Variants in CTNNA3 observed in about 807,000 individuals in gnomAD.
CTNNA3 encodes catenin alpha-3.
A neutral mutation model predicts 95.7 loss-of-function variants in CTNNA3; 76 were observed. The observed-to-expected ratio is 0.79, with a 90% CI of 0.66 to 0.96. The LOEUF (loss-of-function observed/expected upper bound fraction) is 0.96. CTNNA3 is among the 40% of genes least tolerant of loss of function. The probability of loss-of-function intolerance (pLI) is 0.00; values close to 1 mark genes in which losing one functional copy is unlikely to be tolerated. For missense variants in CTNNA3, 1,191 were observed against 1,089.8 expected, an observed-to-expected ratio of 1.09 and a Z score of -1.31; for synonymous variants, 431 against 374.4, an observed-to-expected ratio of 1.15 and a Z score of -1.74.
chr10:67,552,828 C>T (rs553850064), intron 3 of CTNNA3, among the ~76,000 whole-genome samples: 1 of 152,174 alleles, frequency 6.6e-6, no homozygotes, highest in African/African-American at 2.4e-5. Context: ...CATTCATGTC[C>T]CTGCAAAGGA....
At chr10:66,167,953 A>T (rs1011533183) in intron 13 of CTNNA3, among the ~76,000 whole-genome samples, 1 of 152,162 alleles carries the variant, frequency 6.6e-6, no homozygotes, top group African/African-American at 2.4e-5. Flanking sequence ...GGAAATGTAG[A>T]CATAGCCTCA....
At chr10:67,097,791 G>T in intron 7 of CTNNA3, 1 of 1,612,046 alleles carries the variant, frequency 6.2e-7, no homozygotes, top group Non-Finnish European at 8.5e-7. Context: ...ACAGCAGCTA[G>T]CTTAACTGAG....
chr10:66,037,380 A>C (rs1442303893), intron 15 of CTNNA3, among the ~76,000 whole-genome samples: 1 of 152,184 alleles, frequency 6.6e-6, no homozygotes, highest in African/African-American at 2.4e-5. Context: ...TTAAGCTGCC[A>C]AATATAATTT....
At chr10:66,961,104 A>G (rs1849086832) in intron 7 of CTNNA3, among the ~76,000 whole-genome samples, 1 of 152,210 alleles carries the variant, frequency 6.6e-6, no homozygotes, top group Non-Finnish European at 1.5e-5. Flanking sequence ...GTTCAATAGC[A>G]AGGTCTTCTA....
chr10:67,728,186 G>A (rs1841254865), intron 1 of CTNNA3, among the ~76,000 whole-genome samples: 1 of 147,802 alleles, frequency 6.8e-6, no homozygotes, highest in African/African-American at 2.5e-5. Context: ...GGGCCCAGTG[G>A]CTCACACCTG....
intron 11 of CTNNA3, among the ~76,000 whole-genome samples, chr10:66,413,236 A>G (rs543534948): frequency 1.3e-5 from 2 of 152,302 alleles, no homozygotes; most frequent in South Asian, 2.1e-4. Context: ...TCCATGGGTC[A>G]GCACTATTGG....
rs756883128 is a variant in CTNNA3 at position 66,076,516 on chromosome 10, G to A, written c.1978-7027C>T. On this transcript the variant is annotated intron_variant, in intron 14 of 17. Coordinates refer to ENST00000433211, the MANE Select transcript of CTNNA3 (RefSeq NM_013266.4). ...ATACATTTCTACATTTTTATGTATA[G>A]ACCTCTAAATCAGACTTAAAATATA... Among the ~76,000 whole-genome samples, 4 of 151,516 alleles carry A rather than the reference G, an allele frequency of 2.6e-5. No homozygotes were observed. The South Asian group carries it at 8.3e-4, about 31-fold the overall frequency.
At chr10:66,282,172 T>A (rs2091504502) in intron 12 of CTNNA3, among the ~76,000 whole-genome samples, 1 of 151,612 alleles carries the variant, frequency 6.6e-6, no homozygotes. Flanking sequence ...CAAATCACAG[T>A]CTCCCTTTCA....
chr10:66,726,976 G>A (rs988951052), intron 9 of CTNNA3, among the ~76,000 whole-genome samples: 10 of 152,034 alleles, frequency 6.6e-5, no homozygotes, highest in African/African-American at 2.4e-4. Flanking sequence ...CAATAAGGCT[G>A]ATACAAGGAT....
intron 5 of CTNNA3, among the ~76,000 whole-genome samples, chr10:67,282,289 G>T (rs1455610026): frequency 2.6e-5 from 4 of 152,038 alleles, no homozygotes; most frequent in Non-Finnish European, 5.9e-5. Flanking sequence ...ATGTTCCTAA[G>T]CCTAGCTGTG....
chr10:66,650,334 T>C (rs1157331258), intron 9 of CTNNA3, among the ~76,000 whole-genome samples: 1 of 152,184 alleles, frequency 6.6e-6, no homozygotes, highest in African/African-American at 2.4e-5. Flanking sequence ...CTGATCATAA[T>C]GGTAAGAAAT....
At chr10:67,221,216 A>G (rs1194256379) in intron 5 of CTNNA3, among the ~76,000 whole-genome samples, 1 of 152,216 alleles carries the variant, frequency 6.6e-6, no homozygotes, top group Non-Finnish European at 1.5e-5. Context: ...AGCATTAACA[A>G]TGGAGAAAAC....
intron 5 of CTNNA3, among the ~76,000 whole-genome samples, chr10:67,361,110 G>C (rs1842978148): frequency 6.6e-6 from 1 of 151,530 alleles, no homozygotes; most frequent in African/African-American, 2.4e-5. Context: ...CCCAACATCA[G>C]AGCACCCAGA....
intron 13 of CTNNA3, among the ~76,000 whole-genome samples, chr10:66,185,398 G>A (rs1044315575): frequency 2.0e-5 from 3 of 151,918 alleles, no homozygotes; most frequent in Non-Finnish European, 4.4e-5. Context: ...AGCATTATTT[G>A]TACCTCCATA....
chr10:67,479,827 C>T (rs1458332295), intron 5 of CTNNA3, among the ~76,000 whole-genome samples: 1 of 151,838 alleles, frequency 6.6e-6, no homozygotes, highest in Non-Finnish European at 1.5e-5. Context: ...TAGACAAGAT[C>T]AATAGACCAC....
At chr10:67,498,779 GATTTTGTA>G (rs1420623175) in intron 5 of CTNNA3, among the ~76,000 whole-genome samples, 9 of 152,146 alleles carry the variant, frequency 5.9e-5, no homozygotes. Context: ...TTTGCGCATT[GATTTTGTA>G]TCCTGAGACT....
chr10:66,520,678 T>C lies in CTNNA3; in HGVS notation c.1470A>G (p.Ile490Met), dbSNP rs757015764. 2 of 1,611,744 alleles carry C rather than the reference T, an allele frequency of 1.2e-6. No individual in the cohort carries two copies. Among genetic ancestry groups the C allele is most frequent in the East Asian group, 4.5e-5 (2 of 44,688 alleles). ...CATCTACGGCTTCAGTGAGGACATGTATATGATTCTCCCATGTACGCTTGT... is the reference window on the plus strand; with the variant it reads ...CATCTACGGCTTCAGTGAGGACATGCATATGATTCTCCCATGTACGCTTGT... Reference protein sequence around the residue: ...EMYKRTWENHIHVLTEAVDDI... With the variant: ...EMYKRTWENHMHVLTEAVDDI... The change falls in exon 11 of 18, where the codon ATA (isoleucine) becomes ATG (methionine). Residue 490 changes from isoleucine (I) to methionine (M), a missense_variant. Coordinates refer to ENST00000433211, the MANE Select transcript of CTNNA3 (RefSeq NM_013266.4).
chr10:66,732,539 C>G (rs2132669599), intron 9 of CTNNA3, among the ~76,000 whole-genome samples: 1 of 152,182 alleles, frequency 6.6e-6, no homozygotes, highest in Non-Finnish European at 1.5e-5. Flanking sequence ...GAAGGAGAAG[C>G]AAACAGGTCC....
chr10:67,378,864 T>C, intron 5 of CTNNA3, among the ~76,000 whole-genome samples: 1 of 152,186 alleles, frequency 6.6e-6, no homozygotes, highest in Non-Finnish European at 1.5e-5. Flanking sequence ...AAGTAACATA[T>C]AAGGGCAATT....
Sources: gnomAD v4.1 joint callset for allele counts (sites outside exome capture counted in the v4.1 genomes callset) on GRCh38, gnomAD v4.1.1 for gene constraint, MANE v1.5 for transcripts, NCBI Gene and HGNC (gene_info 2026-07-23, HGNC 2026-07-21) for gene names.